The following PARVB variants were observed in gnomAD, a reference collection of about 807,000 sequenced individuals.
PARVB encodes beta-parvin.
Under a neutral mutation model 47.0 loss-of-function variants are expected in PARVB, and 46 were observed. The observed-to-expected ratio is 0.98, with a 90% CI of 0.77 to 1.25. The LOEUF (loss-of-function observed/expected upper bound fraction) is 1.25. PARVB is among the 50% of genes most tolerant of loss of function. The pLI is 0.00. For synonymous variants in PARVB, 196 were observed against 196.3 expected (o/e 1.00, Z 0.01); for missense variants, 473 against 471.6 (o/e 1.00, Z -0.03).
Position 44,155,978 on chromosome 22 carries a change from C to G in PARVB, c.844-2004C>G, listed in dbSNP as rs1424296711. Among the ~76,000 whole-genome samples, 1 of 152,110 alleles carries G rather than the reference C, an allele frequency of 6.6e-6. No individual in the cohort carries two copies. The highest frequency in any genetic ancestry group is 2.4e-5 in the African/African-American group (1 of 41,428). On this transcript the variant is annotated intron_variant, in intron 10 of 12. Transcript: ENST00000338758. This position sits in a 1 kb window ranked among gnomAD's most constrained non-coding sequence, Gnocchi z 4.8. ...CCAGCCTGACCAACATGGTGAAACC[C>G]CATCTCTACTAAAAATACAAAAATT...
chr22:43,999,616 C>G, exon 2 of PARVB: 2 of 1,613,918 alleles, frequency 1.2e-6, no homozygotes, highest in Non-Finnish European at 1.7e-6. Flanking sequence ...GGCTGGTTCA[C>G]TTCTCCCTGG....
intron 6 of PARVB, among the ~76,000 whole-genome samples, chr22:44,135,184 G>A (rs2053416245): frequency 3.9e-5 from 6 of 152,134 alleles, no homozygotes; most frequent in Admixed American, 3.9e-4. Flanking sequence ...AGCCACCCAG[G>A]CTCCATCTGG....
rs114970265 is a variant in PARVB, at chr22:44,169,125, C to T, written c.*447C>T. On this transcript the variant is annotated 3_prime_UTR_variant, in exon 13 of 13. Coordinates refer to ENST00000338758, the MANE Select transcript of PARVB (RefSeq NM_013327.5). ...CAGCTCAGCAGGAACGCCGGCTCCCCGAGGACCCAGGCTTGACGATTCACC... is the reference window on the plus strand; with the variant it reads ...CAGCTCAGCAGGAACGCCGGCTCCCTGAGGACCCAGGCTTGACGATTCACC... 4.7e-3 allele frequency: 740 copies of T among 157,076 alleles called. 84 individuals carry two copies. Among genetic ancestry groups the T allele is most frequent in the African/African-American group, 0.017 (689 of 40,254 alleles). 9.7% of individuals were successfully genotyped at this position (157,076 alleles called of 1,614,324 possible). A position where few individuals can be genotyped will look rare whatever the true frequency, so the allele number is the denominator to read the frequency against.
intron 11 of PARVB, among the ~76,000 whole-genome samples, chr22:44,159,987 G>T (rs1423267763): frequency 6.6e-6 from 1 of 152,222 alleles, no homozygotes; most frequent in Non-Finnish European, 1.5e-5. Context: ...GTCCCCGAGG[G>T]TAGTAATGAC....
chr22:44,168,477 T>G, intron 12 of PARVB, 125 bp from the exon 13 acceptor site: 1 of 691,292 alleles, frequency 1.4e-6, no homozygotes, highest in Non-Finnish European at 2.7e-6. Flanking sequence ...TGGCCAGTCT[T>G]TAAGGGGAAG....
chr22:44,076,482 G>A (rs2051776100), intron 1 of PARVB, among the ~76,000 whole-genome samples: 1 of 152,188 alleles, frequency 6.6e-6, no homozygotes, highest in South Asian at 2.1e-4. Flanking sequence ...CAGCCCAGGG[G>A]TTCTGGTAAG....
chr22:44,156,036 G>C (rs1016271314), intron 10 of PARVB, among the ~76,000 whole-genome samples: 7 of 152,126 alleles, frequency 4.6e-5, no homozygotes, highest in African/African-American at 1.7e-4. Context: ...TGTAATCCCA[G>C]CTACTCAGGA....
rs1342228604 is a variant in PARVB, at chr22:44,158,355, G to A, written c.945+272G>A. The stretch of plus-strand genomic sequence containing the variant: ...TTTTTAATAATTGTGATCACATCTC[G>A]GTAGAGTTGTAAACCCTTCCCCCAT... On this transcript the variant is annotated intron_variant, in intron 11 of 12. Coordinates refer to ENST00000338758, the MANE Select transcript of PARVB (RefSeq NM_013327.5). Among the ~76,000 whole-genome samples, 4 of 152,184 alleles carry A rather than the reference G, an allele frequency of 2.6e-5. No individual in the cohort carries two copies. The East Asian group carries it at 5.8e-4, about 22-fold the overall frequency.
intron 1 of PARVB, among the ~76,000 whole-genome samples, chr22:44,063,684 G>C (rs1687716931): frequency 6.6e-6 from 1 of 152,086 alleles, no homozygotes; most frequent in African/African-American, 2.4e-5. Flanking sequence ...GAGTATGTGT[G>C]GTTGTCCAGT....
chr22:44,071,269 A>G (rs910587982), intron 1 of PARVB, among the ~76,000 whole-genome samples: 56 of 152,044 alleles, frequency 3.7e-4, no homozygotes, highest in African/African-American at 1.2e-3. Flanking sequence ...TTCATGTGTG[A>G]CCTGTGAACG....
intron 3 of PARVB, chr22:44,111,759 A>T (rs1601617313): frequency 6.6e-6 from 1 of 151,810 alleles, no homozygotes; most frequent in African/African-American, 2.4e-5. Context: ...ACCCATTTTA[A>T]AGCCATGAGC....
At chr22:44,108,325 C>T (rs1292835985) in intron 3 of PARVB, 1 of 152,180 alleles carries the variant, frequency 6.6e-6, no homozygotes, top group African/African-American at 2.4e-5. Context: ...GCCTGGGAGC[C>T]CCATCTGCAG....
chr22:44,050,536 C>T (rs187354369), intron 1 of PARVB, among the ~76,000 whole-genome samples: 1 of 152,206 alleles, frequency 6.6e-6, no homozygotes, highest in East Asian at 1.9e-4. Context: ...TGGGGTTTCT[C>T]CATGTTGGTC....
At position 44,125,622 on chromosome 22, in the gene PARVB, C is replaced by T. The variant is rs572033920; in HGVS notation, c.377-5865C>T. Among the ~76,000 whole-genome samples, 285 of 152,156 alleles carry T rather than the reference C, an allele frequency of 1.9e-3. No homozygotes were observed. Among genetic ancestry groups the T allele is most frequent in the African/African-American group, 6.5e-3 (270 of 41,506 alleles). ...GTGTTGGAGGAGCAGTGAAAAGAAG[C>T]GGAGGCGGGGCCCAGGTGGCAGAGA... is the stretch of plus-strand genomic sequence containing the variant. On this transcript the variant is annotated intron_variant, in intron 4 of 12. Coordinates refer to ENST00000338758, the MANE Select transcript of PARVB (RefSeq NM_013327.5). The surrounding 1 kb of genome is among the most constrained non-coding windows in gnomAD (Gnocchi z 4.1).
chr22:44,151,787 C>A, intron 10 of PARVB: 1 of 482,352 alleles, frequency 2.1e-6, no homozygotes, highest in East Asian at 3.7e-5. Context: ...ACCTTTGTGT[C>A]CTCGAAGTGC....
At chr22:44,076,391 CCAGAAATTCGTTCTCCT>C (rs1170826627) in intron 1 of PARVB, among the ~76,000 whole-genome samples, 3 of 152,238 alleles carry the variant, frequency 2.0e-5, no homozygotes, top group Non-Finnish European at 4.4e-5. Context: ...TCCTCCCCTG[CCAGAAATTCGTTCTCCT>C]CAGAAATCCG....
chr22:44,085,420 C>T (rs934543437), intron 1 of PARVB, among the ~76,000 whole-genome samples: 3 of 152,128 alleles, frequency 2.0e-5, no homozygotes, highest in Non-Finnish European at 4.4e-5. Context: ...AACTTTCTTC[C>T]CAGCCTCCTG....
At chr22:44,022,881 G>A (rs757826192), upstream of PARVB, among the ~76,000 whole-genome samples, 2 of 151,842 alleles carry the variant, frequency 1.3e-5, no homozygotes, top group Non-Finnish European at 2.9e-5. Flanking sequence ...CAAGTAGCAG[G>A]GATTACAGGC....
chr22:44,151,753 C>T, intron 10 of PARVB: 1 of 553,600 alleles, frequency 1.8e-6, no homozygotes, highest in South Asian at 2.0e-5. Flanking sequence ...CAAAGCACCA[C>T]AAACCTAGTG....
Sources: gnomAD v4.1 joint callset for allele counts (sites outside exome capture counted in the v4.1 genomes callset) on GRCh38, gnomAD v4.1.1 for gene constraint, Gnocchi (gnomAD v3.1) non-coding constraint, MANE v1.5 for transcripts, NCBI Gene and HGNC (gene_info 2026-07-23, HGNC 2026-07-21) for gene names.